The following NDOR1 variants were observed in gnomAD, a reference collection of about 807,000 sequenced individuals.
The protein encoded by NDOR1 is NADPH-dependent diflavin oxidoreductase 1.
NDOR1 carries 61 observed loss-of-function variants against 67.2 expected under a neutral mutation model. That is an observed-to-expected ratio of 0.91 (90% CI 0.74 to 1.12). NDOR1 has a LOEUF of 1.12. NDOR1 is among the 50% of genes most tolerant of loss of function. NDOR1 has a pLI of 0.00. For missense variants in NDOR1, 878 were observed against 802.8 expected (o/e 1.09, Z -1.13); for synonymous variants, 378 against 343.7 (o/e 1.10, Z -1.10).
rs1015849831 is a variant in NDOR1 at position 137,217,997 on chromosome 9, A to G, written c.*1581A>G. On this transcript the variant is annotated 3_prime_UTR_variant, in exon 14 of 14. Coordinates refer to ENST00000684003, the MANE Select transcript of NDOR1 (RefSeq NM_014434.4). ...TGAGCCCCTGCTGGGGGCCAAAGCC[A>G]TGGAGGGTGCCTGGGCCCTTCCAAC... 5.0e-6 allele frequency: 2 copies of G among 398,918 alleles called. No homozygotes were observed. The highest frequency in any genetic ancestry group is 1.3e-4 in the South Asian group (1 of 7,872). 24.7% of individuals were successfully genotyped at this position (398,918 alleles called of 1,614,324 possible).
Position 137,215,101 on chromosome 9 carries a change from T to C in NDOR1, c.1072T>C (p.Cys358Arg), listed in dbSNP as rs1285322264. The C allele has an allele frequency of 1.2e-6, 2 of 1,613,702 alleles. No individual in the cohort carries two copies. Among genetic ancestry groups the C allele is most frequent in the African/African-American group, 1.3e-5 (1 of 74,936 alleles). ...RPRRTILEVL[C>R]DFPHTAAAIP... ...TGAGACTCTCTTTGCCTAGGTGCTCTGTGACTTCCCGCACACAGCTGCCGC... is the reference window on the plus strand; with the variant it reads ...TGAGACTCTCTTTGCCTAGGTGCTCCGTGACTTCCCGCACACAGCTGCCGC... Residue 358 changes from cysteine to arginine, a missense_variant, in exon 9 of 14, where the codon TGT (cysteine) becomes CGT (arginine). Transcript: ENST00000684003.
At chr9:137,209,296 G>C (rs1442514518) in intron 2 of NDOR1, among the ~76,000 whole-genome samples, 1 of 152,166 alleles carries the variant, frequency 6.6e-6, no homozygotes, top group Non-Finnish European at 1.5e-5. Context: ...ATAGGTCGAG[G>C]GGTCTCAGAT....
At position 137,213,877 on chromosome 9, in the gene NDOR1, G is replaced by A. The variant is rs769866222; in HGVS notation, c.409G>A (p.Gly137Arg). ...CCTGGGCGATGACCAGCATGAGCTG[G>A]GGTGAGTCTGCGGGCGTGGTACCCG... The part of the protein sequence containing the change: ...VCLGDDQHEL[G>R]PDAAVDPWLR... Residue 137 changes from glycine (G) to arginine (R), a missense_variant and splice_region_variant, in exon 4 of 14, where the codon GGG (glycine) becomes AGG (arginine). Physicochemically the swap from Gly to Arg is moderately radical, Grantham distance 125. Transcript: ENST00000684003. 5.0e-6 allele frequency: 8 copies of A among 1,609,514 alleles called. 1 individual carries two copies. Among genetic ancestry groups the A allele is most frequent in the Non-Finnish European group, 6.8e-6 (8 of 1,178,390 alleles).
intron 2 of NDOR1, among the ~76,000 whole-genome samples, chr9:137,208,335 C>T (rs1386472471): frequency 4.0e-5 from 6 of 151,752 alleles, no homozygotes; most frequent in African/African-American, 1.5e-4. Flanking sequence ...CCTGTAGTCC[C>T]AGCTACTCGG....
intron 8 of NDOR1, 35 bp downstream of exon 8, chr9:137,215,053 C>T (rs1455029235): frequency 6.2e-7 from 1 of 1,612,994 alleles, no homozygotes; most frequent in South Asian, 1.1e-5. Flanking sequence ...AGCCCCTGAG[C>T]TACAGCCACG....
Position 137,206,153 on chromosome 9 carries a change from G to A in NDOR1, c.136-79G>A, listed in dbSNP as rs1475911284. Reference sequence around the variant, plus strand: ...CCTCTGCCCTGTCAGCCTGAGTAAAGGAGAAGGGGGTCAAGTTTTGGGAAG... The same window carrying A: ...CCTCTGCCCTGTCAGCCTGAGTAAAAGAGAAGGGGGTCAAGTTTTGGGAAG... On this transcript the variant is annotated intron_variant, in intron 1 of 13. Coordinates refer to ENST00000684003, the MANE Select transcript of NDOR1 (RefSeq NM_014434.4). 3.8e-6 allele frequency: 6 copies of A among 1,565,156 alleles called. No individual in the cohort carries two copies. The East Asian group carries it at 1.1e-4, about 29-fold the overall frequency.
intron 2 of NDOR1, among the ~76,000 whole-genome samples, chr9:137,207,759 A>G (rs561993831): frequency 1.1e-4 from 16 of 152,354 alleles, no homozygotes; most frequent in Non-Finnish European, 1.5e-5. Flanking sequence ...TGGTGATACC[A>G]GGAAGAGCAG....
At chr9:137,206,925 G>A (rs1834996613) in intron 2 of NDOR1, among the ~76,000 whole-genome samples, 1 of 152,200 alleles carries the variant, frequency 6.6e-6, no homozygotes, top group Non-Finnish European at 1.5e-5. Flanking sequence ...CACCGAGGAA[G>A]AAGGAGCAGT....
Position 137,205,711 on chromosome 9 carries a change from T to C in NDOR1, c.-67T>C. The C allele has an allele frequency of 6.3e-7, 1 of 1,595,476 alleles. No individual in the cohort carries two copies. Among genetic ancestry groups the C allele is most frequent in the Non-Finnish European group, 8.5e-7 (1 of 1,177,874 alleles). On this transcript the variant is annotated 5_prime_UTR_variant, in exon 1 of 14. Transcript: ENST00000684003. ...GGAAGGCGGAAGGCGGAGCGGTCCC[T>C]GCAACCCGGCCGGCGGGAACTGCCT...
rs1356986892 is a variant in NDOR1 at position 137,206,296 on chromosome 9, CT to C, written c.201del (p.Asp68ThrfsTer3). ...VCATTGQGDP[P>X]DNMKNFWRFI... ...GCAACTACAGGCCAAGGAGACCCCC[CT>C]GACAACATGAAGGTAAGGCTGGCCT... On this transcript the variant is annotated frameshift_variant, in exon 2 of 14. Coordinates refer to ENST00000684003, the MANE Select transcript of NDOR1 (RefSeq NM_014434.4). LOFTEE classifies it high-confidence loss of function. The C allele has an allele frequency of 2.5e-6, 4 of 1,613,996 alleles. No individual in the cohort carries two copies. Among genetic ancestry groups the C allele is most frequent in the Non-Finnish European group, 2.5e-6 (3 of 1,179,988 alleles).
chr9:137,209,918 C>A (rs553395516), intron 2 of NDOR1, among the ~76,000 whole-genome samples: 1 of 152,340 alleles, frequency 6.6e-6, no homozygotes, highest in South Asian at 2.1e-4. Context: ...ATGACGAAAC[C>A]CCATCTCTAC....
intron 7 of NDOR1, 53 bp from the exon 8 acceptor site, chr9:137,214,745 C>A: frequency 6.3e-7 from 1 of 1,596,802 alleles, no homozygotes. Flanking sequence ...GCCCTGGGCC[C>A]CCACCCCAAG....
intron 2 of NDOR1, among the ~76,000 whole-genome samples, chr9:137,211,433 C>T (rs1835251804): frequency 6.6e-6 from 1 of 152,186 alleles, no homozygotes; most frequent in African/African-American, 2.4e-5. Flanking sequence ...GCAAGTGGGG[C>T]CCTGGCTTTT....
intron 2 of NDOR1, among the ~76,000 whole-genome samples, chr9:137,211,564 A>G (rs568744427): frequency 1.3e-5 from 2 of 152,220 alleles, no homozygotes; most frequent in African/African-American, 4.8e-5. Context: ...CAAACGGAGC[A>G]GGGAAGAGAG....
rs1289122863 is a variant in NDOR1, at chr9:137,218,832, ACCCAAGGACACCAGCG to A, written c.*2427_*2442del. 5 of 391,576 alleles carry A rather than the reference ACCCAAGGACACCAGCG, an allele frequency of 1.3e-5. No homozygotes were observed. The highest frequency in any genetic ancestry group is 2.1e-5 in the African/African-American group (1 of 48,572). The allele number at this position is 391,576 out of a possible 1,614,324, so 24.3% of individuals were successfully genotyped here. On this transcript the variant is annotated 3_prime_UTR_variant, in exon 14 of 14. Transcript: ENST00000684003. ...GCACTGCTGCCCAGACACTAGCTGA[ACCCAAGGACACCAGCG>A]CCCAAGGACAGCTCCTGGAGGAGGC...
chr9:137,216,025 T>A lies in NDOR1; in HGVS notation c.1554+8T>A. ...GCCTTCTCCCGGGAACAGGTGTGTA[T>A]GCTCAGGGGCTGGGAAAGGAGGGGA... is the stretch of plus-strand genomic sequence containing the variant. On this transcript the variant is annotated splice_region_variant and intron_variant, in intron 12 of 13. Transcript: ENST00000684003. The A allele has an allele frequency of 1.2e-6, 2 of 1,613,538 alleles. No individual in the cohort carries two copies. Among genetic ancestry groups the A allele is most frequent in the Non-Finnish European group, 1.7e-6 (2 of 1,179,966 alleles).
chr9:137,211,853 T>G, intron 2 of NDOR1, among the ~76,000 whole-genome samples: 5 of 146,324 alleles, frequency 3.4e-5, no homozygotes, highest in South Asian at 2.2e-4. Context: ...GGGATCCAGG[T>G]AGGGAGGGGG....
In NDOR1 at chr9:137,218,450, C is replaced by T; in HGVS notation, c.*2034C>T. The T allele has an allele frequency of 2.5e-6, 1 of 398,232 alleles. No individual in the cohort carries two copies. 24.7% of individuals were successfully genotyped at this position (398,232 alleles called of 1,614,324 possible). A position where few individuals can be genotyped will look rare whatever the true frequency, so the allele number is the denominator to read the frequency against. On this transcript the variant is annotated 3_prime_UTR_variant, in exon 14 of 14. Coordinates refer to ENST00000684003, the MANE Select transcript of NDOR1 (RefSeq NM_014434.4). ...GCCCTGTCCACCCTGCCTGGGTGCC[C>T]GGCTCTGGACCCTGCGGGAGCGGGG...
At chr9:137,206,030 C>A (rs538201566) in intron 1 of NDOR1, 118 bp downstream of exon 1, 3 of 1,480,350 alleles carry the variant, frequency 2.0e-6, no homozygotes, top group African/African-American at 2.8e-5. Context: ...TCCCTTATGG[C>A]GGATTTAGGG....
Sources: allele counts gnomAD v4.1 joint callset (sites outside exome capture counted in the v4.1 genomes callset), GRCh38; gene constraint gnomAD v4.1.1; transcripts MANE v1.5; gene names NCBI Gene and HGNC (gene_info 2026-07-23, HGNC 2026-07-21).